YES1: variants seen among roughly 807,000 people sequenced by gnomAD.
The protein encoded by YES1 is tyrosine-protein kinase Yes.
YES1 carries 39 observed loss-of-function variants against 70.4 expected under a neutral mutation model. That is an observed-to-expected ratio of 0.55 (90% confidence interval 0.43 to 0.72). YES1 has a LOEUF of 0.72. Among genes scored for constraint, YES1 ranks in the 30% least tolerant of loss-of-function variants. YES1 has a pLI of 0.00. For synonymous variants in YES1, 198 were observed against 218.6 expected (o/e 0.91, Z 0.83); for missense variants, 495 against 644.8 (o/e 0.77, Z 2.52).
chr18:762,027 A>C (rs1414670886), intron 1 of YES1, among the ~76,000 whole-genome samples: 1 of 151,952 alleles, frequency 6.6e-6, no homozygotes, highest in Non-Finnish European at 1.5e-5. Flanking sequence ...TCTCTACTAA[A>C]AATACAAAAT....
chr18:804,925 A>AAAAAAAAAAC (rs1555692642), intron 1 of YES1, among the ~76,000 whole-genome samples: 1 of 150,810 alleles, frequency 6.6e-6, no homozygotes, highest in Non-Finnish European at 1.5e-5. Flanking sequence ...AAAAAAAAAA[A>AAAAAAAAAAC]CACAAACCAA....
At chr18:731,022 G>C (rs896000710) in intron 11 of YES1, among the ~76,000 whole-genome samples, 6 of 152,154 alleles carry the variant, frequency 3.9e-5, no homozygotes, top group Non-Finnish European at 8.8e-5. Context: ...TTTCATGAAG[G>C]GGGTGAGAAG....
chr18:795,806 C>A lies in YES1; in HGVS notation c.-9+16308G>T, dbSNP rs543183826. Among the ~76,000 whole-genome samples, 79 of 151,436 alleles carry A rather than the reference C, an allele frequency of 5.2e-4. 1 individual carries two copies. The highest frequency in any genetic ancestry group is 1.5e-3 in the African/African-American group (60 of 41,246). Reference sequence around the variant, plus strand: ...CATTAGGAGAAATACCTAATGCATGCGGGGCTTAAGACTAGATGACGGGTT... The same window carrying A: ...CATTAGGAGAAATACCTAATGCATGAGGGGCTTAAGACTAGATGACGGGTT... On this transcript the variant is annotated intron_variant, in intron 1 of 11. Transcript: ENST00000314574.
chr18:810,683 A>G (rs1907328523), intron 1 of YES1, among the ~76,000 whole-genome samples: 2 of 152,194 alleles, frequency 1.3e-5, no homozygotes, highest in African/African-American at 2.4e-5. Context: ...AGCATTTAAA[A>G]TCTCCACCGA....
At chr18:769,452 T>G (rs1905060239) in intron 1 of YES1, among the ~76,000 whole-genome samples, 1 of 152,166 alleles carries the variant, frequency 6.6e-6, no homozygotes, top group African/African-American at 2.4e-5. Flanking sequence ...GTACCTCCAG[T>G]GCAATGTCGA....
At chr18:805,734 G>A (rs147200848) in intron 1 of YES1, among the ~76,000 whole-genome samples, 1 of 152,188 alleles carries the variant, frequency 6.6e-6, no homozygotes, top group East Asian at 1.9e-4. Context: ...ATCCTTATCT[G>A]TAAAATATTA....
chr18:735,921 A>G (rs1482958519), intron 10 of YES1: 4 of 152,422 alleles, frequency 2.6e-5, no homozygotes, highest in African/African-American at 9.7e-5. Context: ...CTGCCATTTT[A>G]GCACTTTGGG....
chr18:788,799 G>A (rs920400058), intron 1 of YES1, among the ~76,000 whole-genome samples: 3 of 152,096 alleles, frequency 2.0e-5, no homozygotes, highest in Non-Finnish European at 4.4e-5. Context: ...GGTGGTGTGC[G>A]CCTGTAGTGC....
intron 1 of YES1, among the ~76,000 whole-genome samples, chr18:780,691 T>C (rs986834489): frequency 6.6e-6 from 1 of 152,222 alleles, no homozygotes; most frequent in Non-Finnish European, 1.5e-5. Flanking sequence ...TACTGCCCTG[T>C]AATCTCTAGA....
rs773011806 is a variant in YES1, at chr18:747,933, T to G, written c.457A>C (p.Ile153Leu). ...PSNYVAPADS[I>L]QAEEWYFGKM... ...GTAGTGCCATACTCTTCTGCCTGAA[T>G]GGAATCTGCAGGCGCTACATAATTG... Residue 153 changes from isoleucine to leucine, a missense_variant, in exon 4 of 12, where the codon ATT becomes CTT. Ile to Leu is a conservative substitution (Grantham distance 5). This residue lies in a region of YES1 where 385 missense variants were observed against 540.9 expected (regional missense o/e 0.71). Coordinates refer to ENST00000314574, the MANE Select transcript of YES1 (RefSeq NM_005433.4). 12 of 1,613,354 alleles carry G rather than the reference T, an allele frequency of 7.4e-6. No homozygotes were observed. Among genetic ancestry groups the G allele is most frequent in the Non-Finnish European group, 1.0e-5 (12 of 1,179,838 alleles).
intron 11 of YES1, 31 bp from the exon 12 acceptor site, chr18:724,663 A>G (rs369678010): frequency 7.6e-6 from 12 of 1,588,544 alleles, no homozygotes; most frequent in Non-Finnish European, 1.0e-5. Flanking sequence ...ATTAAAGAAC[A>G]ATGGTCCTAA....
At chr18:749,191 A>C (rs1383885009) in intron 3 of YES1, among the ~76,000 whole-genome samples, 1 of 151,190 alleles carries the variant, frequency 6.6e-6, no homozygotes, top group Non-Finnish European at 1.5e-5. Flanking sequence ...CAAAACAAAA[A>C]CCCAAAAAAA....
intron 1 of YES1, among the ~76,000 whole-genome samples, chr18:759,516 C>A (rs1904465895): frequency 6.6e-6 from 1 of 152,098 alleles, no homozygotes; most frequent in African/African-American, 2.4e-5. Flanking sequence ...ACTTAATATA[C>A]GGTCTTTTGT....
chr18:749,112 G>C (rs2080312732), intron 3 of YES1, among the ~76,000 whole-genome samples: 1 of 152,182 alleles, frequency 6.6e-6, no homozygotes, highest in Non-Finnish European at 1.5e-5. Context: ...AGTGAGCCGA[G>C]ATCATGCCAC....
intron 1 of YES1, among the ~76,000 whole-genome samples, chr18:787,519 G>A (rs1598935887): frequency 1.3e-5 from 2 of 152,134 alleles, no homozygotes; most frequent in African/African-American, 4.8e-5. Context: ...AGACCAACCT[G>A]GCCAACATGG....
At position 798,617 on chromosome 18, in the gene YES1, A is replaced by G. The variant is rs147739615; in HGVS notation, c.-9+13497T>C. Among the ~76,000 whole-genome samples, 521 of 152,284 alleles carry G rather than the reference A, an allele frequency of 3.4e-3. 10 individuals are homozygous for G. In the East Asian group the frequency reaches 0.058, roughly 17 times the overall value. On this transcript the variant is annotated intron_variant, in intron 1 of 11. Transcript: ENST00000314574. ...CACCATGGAATTCTTTGATATGGCT[A>G]ATTAGTATCTGTTCTCAATCACTAG...
intron 1 of YES1, among the ~76,000 whole-genome samples, chr18:804,139 C>G (rs1568222214): frequency 6.6e-6 from 1 of 152,150 alleles, no homozygotes; most frequent in Admixed American, 6.5e-5. Flanking sequence ...ATATCCAGAA[C>G]AAGTTGTCCA....
In YES1 at chr18:799,155, T is replaced by C. The variant is rs138902821; in HGVS notation, c.-9+12959A>G. 2.4e-3 allele frequency among the ~76,000 whole-genome samples: 368 copies of C among 152,302 alleles called. 1 individual carries two copies. Among genetic ancestry groups the C allele is most frequent in the African/African-American group, 8.2e-3 (339 of 41,586 alleles). On this transcript the variant is annotated intron_variant, in intron 1 of 11. Transcript: ENST00000314574. The stretch of plus-strand genomic sequence containing the variant: ...ATACCTTTCAAATATTCTAACCACA[T>C]TTGTAGAACCAAGTGGTATTTTCCA...
At chr18:775,975 CCA>C (rs1905360291) in intron 1 of YES1, among the ~76,000 whole-genome samples, 1 of 152,074 alleles carries the variant, frequency 6.6e-6, no homozygotes. Context: ...TGAATTGTTT[CCA>C]GTTTTTTTGC....
Sources: allele counts gnomAD v4.1 joint callset (sites outside exome capture counted in the v4.1 genomes callset), GRCh38; gene constraint gnomAD v4.1.1; regional missense constraint gnomAD v4.1.1; transcripts MANE v1.5; gene names NCBI Gene and HGNC (gene_info 2026-07-23, HGNC 2026-07-21).